The following TTC29 variants were observed in gnomAD, a reference collection of about 807,000 sequenced individuals.
TTC29 encodes tetratricopeptide repeat domain 29.
Under a neutral mutation model 58.1 loss-of-function variants are expected in TTC29, and 49 were observed. The ratio of observed to expected loss-of-function variants is 0.84; its 90% confidence interval spans 0.67 to 1.07. The LOEUF is 1.07. TTC29 is among the 50% of genes least tolerant of loss of function. The pLI is 0.00. For synonymous variants in TTC29, 209 were observed against 196.8 expected, an observed-to-expected ratio of 1.06 and a Z score of -0.52; for missense variants, 582 against 555.6, an observed-to-expected ratio of 1.05 and a Z score of -0.48.
chr4:146,916,023 A>C (rs1326951063), intron 4 of TTC29, among the ~76,000 whole-genome samples: 1 of 151,910 alleles, frequency 6.6e-6, no homozygotes, highest in African/African-American at 2.4e-5. Context: ...ACAGTTTTAC[A>C]TTCATATGGT....
intron 4 of TTC29, among the ~76,000 whole-genome samples, chr4:146,917,784 G>C (rs1424283987): frequency 6.8e-6 from 1 of 147,102 alleles, no homozygotes; most frequent in African/African-American, 2.5e-5. Flanking sequence ...TAACATTTTA[G>C]CTTCATTCCA....
intron 4 of TTC29, among the ~76,000 whole-genome samples, chr4:146,915,920 T>A (rs1337437250): frequency 6.6e-6 from 1 of 151,926 alleles, no homozygotes; most frequent in Non-Finnish European, 1.5e-5. Context: ...AATCAAAAGA[T>A]ATGTAACATC....
chr4:146,789,408 G>A (rs564695609), intron 11 of TTC29, among the ~76,000 whole-genome samples: 1 of 152,272 alleles, frequency 6.6e-6, no homozygotes, highest in South Asian at 2.1e-4. Context: ...ACCCTAGAGA[G>A]ATCCATTTTT....
chr4:146,826,374 G>A (rs1381521736), intron 9 of TTC29, among the ~76,000 whole-genome samples: 2 of 152,144 alleles, frequency 1.3e-5, no homozygotes, highest in East Asian at 3.9e-4. Flanking sequence ...ATGAAGCTTA[G>A]TTTGACTGGA....
chr4:146,789,969 A>C (rs1319387610), intron 11 of TTC29, among the ~76,000 whole-genome samples: 2 of 152,114 alleles, frequency 1.3e-5, no homozygotes, highest in African/African-American at 4.8e-5. Context: ...GCTTCCCCTC[A>C]AACTTCAATT....
chr4:146,906,021 A>C (rs1733499825), intron 5 of TTC29, among the ~76,000 whole-genome samples: 1 of 152,196 alleles, frequency 6.6e-6, no homozygotes, highest in Admixed American at 6.5e-5. Flanking sequence ...TTTAAAAGTC[A>C]AGTGTAAATA....
intron 5 of TTC29, 114 bp downstream of exon 5, chr4:146,908,912 G>C (rs1351299280): frequency 1.2e-6 from 1 of 864,342 alleles, no homozygotes; most frequent in Non-Finnish European, 1.8e-6. Flanking sequence ...CTGGGTTGAA[G>C]TGTGCTAAGT....
At chr4:146,788,379 A>G (rs556681225) in intron 11 of TTC29, among the ~76,000 whole-genome samples, 76 of 152,348 alleles carry the variant, frequency 5.0e-4, no homozygotes, top group African/African-American at 1.8e-3. Flanking sequence ...ATCCATAGTA[A>G]AAGTGAAGGT....
intron 11 of TTC29, among the ~76,000 whole-genome samples, chr4:146,708,357 C>CATGTATATATATATATATATAT (rs1561047198): frequency 1.3e-3 from 22 of 16,834 alleles, no homozygotes; most frequent in African/African-American, 3.0e-3. Flanking sequence ...TATATATATA[C>CATGTATATATATATATATATAT]ACATGTATGT....
chr4:146,734,203 A>G (rs1305310384), intron 11 of TTC29, among the ~76,000 whole-genome samples: 1 of 152,178 alleles, frequency 6.6e-6, no homozygotes, highest in East Asian at 1.9e-4. Context: ...CCTGAGATTT[A>G]TAGGTAGAAT....
chr4:146,945,145 C>T (rs1325989665), intron 1 of TTC29, 68 bp from the exon 2 acceptor site: 1 of 152,138 alleles, frequency 6.6e-6, no homozygotes, highest in African/African-American at 2.4e-5. Flanking sequence ...AGTGTAACTC[C>T]TCTCCCCGCT....
chr4:146,879,130 G>A (rs941250978), intron 6 of TTC29, among the ~76,000 whole-genome samples: 3 of 152,094 alleles, frequency 2.0e-5, no homozygotes, highest in Non-Finnish European at 4.4e-5. Flanking sequence ...AAGAAGATAA[G>A]CCAGCAAAGA....
At chr4:146,778,936 A>G (rs1235219179) in intron 11 of TTC29, among the ~76,000 whole-genome samples, 1 of 145,036 alleles carries the variant, frequency 6.9e-6, no homozygotes, top group African/African-American at 2.5e-5. Flanking sequence ...GCTACCCAAT[A>G]TATCCATGTA....
At chr4:146,818,547 C>T (rs1751585552) in intron 10 of TTC29, among the ~76,000 whole-genome samples, 1 of 152,170 alleles carries the variant, frequency 6.6e-6, no homozygotes, top group African/African-American at 2.4e-5. Flanking sequence ...GGATCTAGAA[C>T]TAGAAATACC....
intron 8 of TTC29, among the ~76,000 whole-genome samples, chr4:146,848,514 G>A (rs2150179769): frequency 6.6e-6 from 1 of 152,242 alleles, no homozygotes; most frequent in African/African-American, 2.4e-5. Flanking sequence ...TTATTTAGAG[G>A]TGTGATTTAT....
At chr4:146,903,812 A>T (rs1733330285) in intron 5 of TTC29, 83 bp from the exon 6 acceptor site, 1 of 1,021,274 alleles carries the variant, frequency 9.8e-7, no homozygotes, top group African/African-American at 1.7e-5. Flanking sequence ...CAATATCATG[A>T]CTTCCTATTT....
intron 11 of TTC29, among the ~76,000 whole-genome samples, chr4:146,785,681 G>T (rs149896309): frequency 6.6e-6 from 1 of 151,916 alleles, no homozygotes; most frequent in Non-Finnish European, 1.5e-5. Flanking sequence ...AAACTTTTTC[G>T]TTGTAATTCT....
chr4:146,848,767 G>T (rs148399065), intron 8 of TTC29, among the ~76,000 whole-genome samples: 2 of 152,276 alleles, frequency 1.3e-5, no homozygotes, highest in African/African-American at 2.4e-5. Context: ...CATTCTCCCA[G>T]CTGGTTCCAC....
chr4:146,892,763 A>G (rs1561226954), intron 6 of TTC29, among the ~76,000 whole-genome samples: 1 of 152,228 alleles, frequency 6.6e-6, no homozygotes, highest in African/African-American at 2.4e-5. Context: ...TGCAGATGAC[A>G]TGACTTTATA....
Sources: gnomAD v4.1 joint callset for allele counts (sites outside exome capture counted in the v4.1 genomes callset) on GRCh38, gnomAD v4.1.1 for gene constraint, MANE v1.5 for transcripts, NCBI Gene and HGNC (gene_info 2026-07-23, HGNC 2026-07-21) for gene names.